Variants in ASPH observed in about 807,000 individuals in gnomAD.
ASPH encodes the protein aspartyl/asparaginyl beta-hydroxylase.
Under a neutral mutation model 118.4 loss-of-function variants are expected in ASPH, and 100 were observed. That is an observed-to-expected ratio of 0.84 (90% confidence interval 0.72 to 1.00). The LOEUF (loss-of-function observed/expected upper bound fraction) is 1.00, where lower values mean the gene tolerates loss of function less well. Ranked by LOEUF, ASPH falls within the 50% of genes least tolerant of loss-of-function variation. The pLI is 0.00. For missense variants in ASPH, 920 were observed against 919.5 expected (o/e 1.00, Z -0.01); for synonymous variants, 315 against 325.6 (o/e 0.97, Z 0.35).
At chr8:61,648,853 T>C (rs1197435521) in intron 5 of ASPH, among the ~76,000 whole-genome samples, 1 of 148,742 alleles carries the variant, frequency 6.7e-6, no homozygotes, top group Non-Finnish European at 1.5e-5. Flanking sequence ...AATCCAGTTG[T>C]GAATGCACCA....
intron 4 of ASPH, among the ~76,000 whole-genome samples, chr8:61,652,882 T>C (rs898116647): frequency 5.3e-5 from 8 of 152,158 alleles, no homozygotes; most frequent in Admixed American, 2.6e-4. Flanking sequence ...CAGCACACAG[T>C]GAAAAAATCA....
chr8:61,582,804 T>C (rs1359178690), intron 15 of ASPH, among the ~76,000 whole-genome samples: 1 of 152,238 alleles, frequency 6.6e-6, no homozygotes, highest in Non-Finnish European at 1.5e-5. Context: ...AGCCAATGTC[T>C]ACTGATTAAA....
chr8:61,616,785 G>A (rs760026252), intron 14 of ASPH, among the ~76,000 whole-genome samples: 17 of 152,086 alleles, frequency 1.1e-4, no homozygotes, highest in African/African-American at 3.4e-4. Context: ...TTCTGCCTAC[G>A]GCATGCTCTC....
chr8:61,621,658 A>T (rs1198365293), intron 13 of ASPH, among the ~76,000 whole-genome samples: 1 of 152,240 alleles, frequency 6.6e-6, no homozygotes, highest in Non-Finnish European at 1.5e-5. Context: ...TAATTTTACA[A>T]ATAAGGCAAC....
chr8:61,534,194 G>A (rs1277170996), intron 21 of ASPH, among the ~76,000 whole-genome samples: 4 of 152,168 alleles, frequency 2.6e-5, no homozygotes, highest in Non-Finnish European at 4.4e-5. Flanking sequence ...TGATCCGCCC[G>A]CCTTGGCCTC....
Position 61,567,310 on chromosome 8 carries a change from A to G in ASPH, c.1158T>C (p.Asp386=). ...TACTTCTCCTCTTCTCAGCCAAATC[A>G]TCCTCACACTAGAAGAAGTCCCCAG... ...RARYGKAQCE[D]DLAEKRRSNE... Residue 386 remains aspartate, a synonymous_variant, in exon 17 of 25, where the codon GAT becomes GAC. Coordinates refer to ENST00000379454, the MANE Select transcript of ASPH (RefSeq NM_004318.4). 1 of 1,613,700 alleles carries G rather than the reference A, an allele frequency of 6.2e-7. No homozygotes were observed. The highest frequency in any genetic ancestry group is 8.5e-7 in the Non-Finnish European group (1 of 1,179,820).
At chr8:61,632,074 C>G (rs1318336733) in intron 13 of ASPH, 1 of 152,134 alleles carries the variant, frequency 6.6e-6, no homozygotes, top group Non-Finnish European at 1.5e-5. Flanking sequence ...AAACAATAGT[C>G]ATAGCCAAAA....
At position 61,651,241 on chromosome 8, in the gene ASPH, C is replaced by T. The variant is rs1413456644; in HGVS notation, c.416-117G>A. The T allele has an allele frequency of 4.2e-6, 3 of 715,830 alleles. No individual in the cohort carries two copies. The African/African-American group carries it at 5.4e-5, about 13-fold the overall frequency. The allele number at this position is 715,830 out of a possible 1,614,324, so 44.3% of individuals were successfully genotyped here. ...AAAATGAATATATTTGACTAAGCAA[C>T]TCTGCATGCCTTCTCTATCAGCTTA... On this transcript the variant is annotated intron_variant, in intron 4 of 24. Coordinates refer to ENST00000379454, the MANE Select transcript of ASPH (RefSeq NM_004318.4).
intron 1 of ASPH, among the ~76,000 whole-genome samples, chr8:61,712,541 T>C (rs1320302707): frequency 6.6e-6 from 1 of 152,232 alleles, no homozygotes; most frequent in Non-Finnish European, 1.5e-5. Context: ...ACATACTATG[T>C]CTGTTTCATG....
At chr8:61,625,157 C>G in intron 13 of ASPH, 1 of 985,688 alleles carries the variant, frequency 1.0e-6, no homozygotes, top group Non-Finnish European at 1.2e-6. Context: ...GATGTGGTAG[C>G]TACCTTCTTT....
At position 61,510,234 on chromosome 8, in the gene ASPH, G is replaced by C. The variant is rs191602663; in HGVS notation, c.2127-6725C>G. Among the ~76,000 whole-genome samples the C allele has an allele frequency of 2.6e-5, 4 of 152,280 alleles. 1 individual carries two copies. Among genetic ancestry groups the C allele is most frequent in the Non-Finnish European group, 4.4e-5 (3 of 68,024 alleles). On this transcript the variant is annotated intron_variant, in intron 24 of 24. Transcript: ENST00000379454. ...TTACTCTTCCTAATATACAGATGGG[G>C]ATATTGAGGCTTAATGAGGTTATGT... is the stretch of plus-strand genomic sequence containing the variant.
intron 21 of ASPH, among the ~76,000 whole-genome samples, chr8:61,541,358 C>A (rs948712895): frequency 6.6e-6 from 1 of 151,422 alleles, no homozygotes; most frequent in Admixed American, 6.6e-5. Flanking sequence ...AGTGAGACTC[C>A]GTCTAAAAAA....
chr8:61,515,407 C>T (rs1810520228), intron 24 of ASPH, among the ~76,000 whole-genome samples: 2 of 152,176 alleles, frequency 1.3e-5, no homozygotes, highest in Non-Finnish European at 2.9e-5. Flanking sequence ...CTGATTCCTC[C>T]TCCTGGTCTA....
intron 6 of ASPH, among the ~76,000 whole-genome samples, chr8:61,645,209 A>T (rs1807325499): frequency 6.6e-6 from 1 of 152,180 alleles, no homozygotes; most frequent in Non-Finnish European, 1.5e-5. Flanking sequence ...GACTTTTAAC[A>T]ACCAACTTTT....
intron 3 of ASPH, chr8:61,675,536 A>C: frequency 1.0e-6 from 1 of 980,398 alleles, no homozygotes; most frequent in Non-Finnish European, 1.2e-6. Flanking sequence ...ATTTGTATGA[A>C]CCTATCTGAC....
chr8:61,630,470 A>T (rs1033673372), intron 13 of ASPH, among the ~76,000 whole-genome samples: 2 of 152,236 alleles, frequency 1.3e-5, no homozygotes, highest in African/African-American at 4.8e-5. Context: ...GTAAGACTTA[A>T]GACTTATAGA....
intron 22 of ASPH, among the ~76,000 whole-genome samples, chr8:61,518,734 G>A (rs1389080195): frequency 6.6e-6 from 1 of 152,126 alleles, no homozygotes; most frequent in Admixed American, 6.5e-5. Flanking sequence ...TGTCTGAAAT[G>A]GCCTGCAACT....
chr8:61,593,304 A>G (rs578095505), intron 14 of ASPH, among the ~76,000 whole-genome samples: 1 of 152,306 alleles, frequency 6.6e-6, no homozygotes, highest in African/African-American at 2.4e-5. Context: ...GATCTACTCT[A>G]TAGGTATTAC....
intron 22 of ASPH, among the ~76,000 whole-genome samples, chr8:61,519,918 A>G (rs1021415399): frequency 1.4e-4 from 21 of 152,228 alleles, no homozygotes; most frequent in African/African-American, 4.8e-4. Context: ...TAAGCTATTA[A>G]GTTTTGTGGT....
Sources: allele counts gnomAD v4.1 joint callset (sites outside exome capture counted in the v4.1 genomes callset), GRCh38; gene constraint gnomAD v4.1.1; transcripts MANE v1.5; gene names NCBI Gene and HGNC (gene_info 2026-07-23, HGNC 2026-07-21).